Variants in AGO1 observed in about 807,000 individuals in gnomAD.
The protein encoded by AGO1 is argonaute RISC component 1.
A neutral mutation model predicts 109.2 loss-of-function variants in AGO1; 11 were observed. That is an observed-to-expected ratio of 0.10 (90% CI 0.06 to 0.17). The LOEUF (loss-of-function observed/expected upper bound fraction) is 0.17, where lower values mean the gene tolerates loss of function less well. AGO1 is among the 10% of genes least tolerant of loss of function. The pLI is 1.00. For missense variants in AGO1, 574 were observed against 1,140.3 expected (o/e 0.50, Z 7.15); for synonymous variants, 422 against 418.6 (o/e 1.01, Z -0.10).
At chr1:35,872,575 CT>C (rs1280124655) in intron 1 of AGO1, among the ~76,000 whole-genome samples, 2 of 150,354 alleles carry the variant, frequency 1.3e-5, no homozygotes, top group Non-Finnish European at 3.0e-5. Flanking sequence ...TATTTCTATT[CT>C]TTTTTTTTCT....
upstream of AGO1, chr1:35,883,136 C>T: frequency 9.0e-7 from 1 of 1,111,826 alleles, no homozygotes; most frequent in Non-Finnish European, 1.1e-6. The surrounding 1 kb of genome is among the most constrained non-coding windows in gnomAD (Gnocchi z 5.4). Flanking sequence ...TCTCCATTGG[C>T]CTTTGTTGCC....
intron 1 of AGO1, among the ~76,000 whole-genome samples, chr1:35,876,024 GA>G (rs1557597775): frequency 6.6e-6 from 1 of 152,166 alleles, no homozygotes; most frequent in African/African-American, 2.4e-5. Context: ...ATGCCATTAA[GA>G]ACATTCATAA....
At chr1:35,907,836 CT>C (rs1264195951) in intron 12 of AGO1, among the ~76,000 whole-genome samples, 2 of 152,064 alleles carry the variant, frequency 1.3e-5, no homozygotes, top group Non-Finnish European at 2.9e-5. Flanking sequence ...TTCATTAAAC[CT>C]TCTGAGGCCT....
rs1645930333 is a variant in AGO1, at chr1:35,926,481, G to C, written c.*6874G>C. 1 of 152,190 alleles carries C rather than the reference G, an allele frequency of 6.6e-6. No individual in the cohort carries two copies. The highest frequency in any genetic ancestry group is 6.5e-5 in the Admixed American group (1 of 15,278). 9.4% of individuals were successfully genotyped at this position (152,190 alleles called of 1,614,324 possible). On this transcript the variant is annotated 3_prime_UTR_variant, in exon 19 of 19. Transcript: ENST00000373204. Reference sequence around the variant, plus strand: ...GTATCTCTTGGTGTAGCAGACCCCAGAATCTCATGGCAATTAGGATTTGGT... The same window carrying C: ...GTATCTCTTGGTGTAGCAGACCCCACAATCTCATGGCAATTAGGATTTGGT...
chr1:35,894,256 C>A, intron 6 of AGO1, 59 bp from the exon 7 acceptor site: 1 of 1,605,420 alleles, frequency 6.2e-7, no homozygotes, highest in Non-Finnish European at 8.5e-7. Flanking sequence ...AGGGGAGAGA[C>A]CAAGCCTGGG....
chr1:35,906,806 A>AG, intron 11 of AGO1, 129 bp from the exon 12 acceptor site: 1 of 729,408 alleles, frequency 1.4e-6, no homozygotes, highest in South Asian at 2.0e-5. Context: ...CCCTGTCTCA[A>AG]GGAAAAAAAA....
intron 1 of AGO1, among the ~76,000 whole-genome samples, chr1:35,874,601 T>C (rs1644978884): frequency 6.6e-6 from 1 of 152,196 alleles, no homozygotes; most frequent in Non-Finnish European, 1.5e-5. Flanking sequence ...TGCAATGGCC[T>C]GTAAGTGTTC....
At chr1:35,907,861 A>G (rs1234309589) in intron 12 of AGO1, among the ~76,000 whole-genome samples, 2 of 152,154 alleles carry the variant, frequency 1.3e-5, no homozygotes, top group Non-Finnish European at 2.9e-5. Context: ...ACAGTGGTTC[A>G]CACCTGTAAT....
intron 1 of AGO1, among the ~76,000 whole-genome samples, chr1:35,872,789 T>G (rs1228971815): frequency 6.6e-6 from 1 of 152,126 alleles, no homozygotes; most frequent in Non-Finnish European, 1.5e-5. Flanking sequence ...CCCAGGCTAG[T>G]CTTGAACTCT....
intron 11 of AGO1, among the ~76,000 whole-genome samples, chr1:35,902,910 T>G (rs1282482785): frequency 6.6e-6 from 1 of 151,784 alleles, no homozygotes; most frequent in African/African-American, 2.4e-5. Context: ...TGGGAGTAGA[T>G]GGCACCAATG....
intron 8 of AGO1, 79 bp downstream of exon 8, chr1:35,895,348 T>A: frequency 6.8e-7 from 1 of 1,461,522 alleles, no homozygotes. Context: ...GTTCTTTCAT[T>A]TTGAAGTTTG....
intron 2 of AGO1, among the ~76,000 whole-genome samples, chr1:35,892,265 A>G (rs1267197683): frequency 4.0e-5 from 6 of 151,696 alleles, no homozygotes; most frequent in African/African-American, 1.5e-4. Flanking sequence ...CACTCACACC[A>G]CTCTTTCAGG....
At chr1:35,895,410 C>T in intron 8 of AGO1, 141 bp downstream of exon 8, 1 of 939,268 alleles carries the variant, frequency 1.1e-6, no homozygotes, top group Non-Finnish European at 1.5e-6. Flanking sequence ...GAAATAGAGG[C>T]CTCATTCTTA....
chr1:35,919,550 C>A lies in AGO1; in HGVS notation c.2517C>A (p.Ala839=), dbSNP rs1339352983. The A allele has an allele frequency of 5.0e-6, 8 of 1,614,048 alleles. No homozygotes were observed. The highest frequency in any genetic ancestry group is 6.8e-6 in the Non-Finnish European group (8 of 1,180,040). Reference sequence around the variant, plus strand: ...AGAGCAATGGGCGGGACCCCCAGGCCCTGGCCAAAGCCGTGCAGGTTCACC... The same window carrying A: ...AGAGCAATGGGCGGGACCCCCAGGCACTGGCCAAAGCCGTGCAGGTTCACC... The part of the protein sequence containing the change: ...SGQSNGRDPQ[A]LAKAVQVHQD... The change falls in exon 19 of 19, where the codon GCC becomes GCA. Residue 839 remains alanine, a synonymous_variant. Coordinates refer to ENST00000373204, the MANE Select transcript of AGO1 (RefSeq NM_012199.5). This position sits in a 1 kb window ranked among gnomAD's most constrained non-coding sequence, Gnocchi z 6.6.
At position 35,930,265 on chromosome 1, in the gene AGO1, T is replaced by C. The variant is rs747667827; in HGVS notation, c.*10658T>C. 6.6e-6 allele frequency: 1 copy of C among 152,160 alleles called. No homozygotes were observed. The allele number at this position is 152,160 out of a possible 1,614,324, so 9.4% of individuals were successfully genotyped here. A position where few individuals can be genotyped will look rare whatever the true frequency, so the allele number is the denominator to read the frequency against. ...GGTGGTCCGGAAAAGGCGTCTCAGA[T>C]GTCTTTCGTTGAGACGCAAAAAAAA... On this transcript the variant is annotated 3_prime_UTR_variant, in exon 19 of 19. Coordinates refer to ENST00000373204, the MANE Select transcript of AGO1 (RefSeq NM_012199.5).
At position 35,893,985 on chromosome 1, in the gene AGO1, G is replaced by A. The variant is rs1645270395; in HGVS notation, c.650-52G>A. The A allele has an allele frequency of 6.6e-7, 1 of 1,523,780 alleles. No homozygotes were observed. Among genetic ancestry groups the A allele is most frequent in the African/African-American group, 1.4e-5 (1 of 72,172 alleles). The allele number at this position is 1,523,780 out of a possible 1,614,324, so 94.4% of individuals were successfully genotyped here. The stretch of plus-strand genomic sequence containing the variant: ...AGGGTATAAATTGCTGTGCCTCCAT[G>A]TATTGTGGAAGACAGAACCTGAGCT... On this transcript the variant is annotated intron_variant, in intron 5 of 18. Transcript: ENST00000373204. The surrounding 1 kb of genome is among the most constrained non-coding windows in gnomAD (Gnocchi z 5.6).
rs1645072978 is a variant in AGO1 at position 35,883,863 on chromosome 1, T to C, written c.25+417T>C. Among the ~76,000 whole-genome samples the C allele has an allele frequency of 6.6e-6, 1 of 152,168 alleles. No homozygotes were observed. The highest frequency in any genetic ancestry group is 2.1e-4 in the South Asian group (1 of 4,830). On this transcript the variant is annotated intron_variant, in intron 1 of 18. Coordinates refer to ENST00000373204, the MANE Select transcript of AGO1 (RefSeq NM_012199.5). The surrounding 1 kb of genome is among the most constrained non-coding windows in gnomAD (Gnocchi z 5.4). ...GCTCCGCTGGGCTGGAATAGGCTAA[T>C]GTCTCTTGGGAGAAGGCGCCAGAGC...
chr1:35,893,944 A>C lies in AGO1; in HGVS notation c.650-93A>C, dbSNP rs1229514216. The stretch of plus-strand genomic sequence containing the variant: ...CCTGGCACCCCCTTCCCCCATCCCA[A>C]TGCCCTTTAAGGAAGAGGGTATAAA... On this transcript the variant is annotated intron_variant, in intron 5 of 18. Transcript: ENST00000373204. The surrounding 1 kb of genome is among the most constrained non-coding windows in gnomAD (Gnocchi z 5.6). 2 of 1,522,658 alleles carry C rather than the reference A, an allele frequency of 1.3e-6. No homozygotes were observed. Among genetic ancestry groups the C allele is most frequent in the East Asian group, 4.6e-5 (2 of 43,914 alleles). The allele number at this position is 1,522,658 out of a possible 1,614,324, so 94.3% of individuals were successfully genotyped here.
At chr1:35,909,479 C>G (rs1395076609) in intron 12 of AGO1, among the ~76,000 whole-genome samples, 5 of 152,234 alleles carry the variant, frequency 3.3e-5, no homozygotes, top group Admixed American at 3.3e-4. Context: ...TTTTCAGTCT[C>G]TGGTGTTGTA....
Sources: gnomAD v4.1 joint callset for allele counts (sites outside exome capture counted in the v4.1 genomes callset) on GRCh38, gnomAD v4.1.1 for gene constraint, Gnocchi (gnomAD v3.1) non-coding constraint, MANE v1.5 for transcripts, NCBI Gene and HGNC (gene_info 2026-07-23, HGNC 2026-07-21) for gene names.